Variants in SCN11A observed in about 807,000 individuals in gnomAD.
SCN11A encodes sodium voltage-gated channel alpha subunit 11.
A neutral mutation model predicts 162.2 loss-of-function variants in SCN11A; 122 were observed. That is an observed-to-expected ratio of 0.75 (90% CI 0.65 to 0.87). The LOEUF (loss-of-function observed/expected upper bound fraction) is 0.87. SCN11A is among the 40% of genes least tolerant of loss of function. The pLI is 0.00. For synonymous variants in SCN11A, 758 were observed against 751.5 expected (o/e 1.01, Z -0.14); for missense variants, 2,015 against 2,181.6 (o/e 0.92, Z 1.52).
chr3:39,041,624 G>A (rs2032050895), intron 1 of SCN11A, among the ~76,000 whole-genome samples: 1 of 152,064 alleles, frequency 6.6e-6, no homozygotes, highest in South Asian at 2.1e-4. Flanking sequence ...TCAGAAATGA[G>A]GAAGAAATAA....
intron 17 of SCN11A, 69 bp from the exon 18 acceptor site, chr3:38,897,294 A>G: frequency 2.7e-6 from 4 of 1,477,946 alleles, no homozygotes; most frequent in East Asian, 4.6e-5. Flanking sequence ...CTGCTCATCT[A>G]TAAAGCAAAT....
chr3:38,905,434 T>C (rs980400948), intron 14 of SCN11A, 113 bp from the exon 15 acceptor site: 17 of 1,233,458 alleles, frequency 1.4e-5, no homozygotes, highest in African/African-American at 1.1e-4. Context: ...ACATTTTCTA[T>C]AGGTCTACTC....
intron 11 of SCN11A, among the ~76,000 whole-genome samples, chr3:38,916,039 A>G (rs1392813674): frequency 6.6e-6 from 1 of 151,928 alleles, no homozygotes; most frequent in East Asian, 1.9e-4. Flanking sequence ...TGAATTGAAC[A>G]TTTTACCATT....
chr3:38,966,176 G>A (rs753267546), intron 2 of SCN11A, among the ~76,000 whole-genome samples: 2 of 152,096 alleles, frequency 1.3e-5, no homozygotes, highest in African/African-American at 2.4e-5. Flanking sequence ...CCAAAAATTC[G>A]AGGCAAGTTT....
At chr3:38,907,357 T>TACACACACACAC (rs376599495) in intron 14 of SCN11A, among the ~76,000 whole-genome samples, 2 of 128,578 alleles carry the variant, frequency 1.6e-5, no homozygotes, top group East Asian at 4.9e-4. Flanking sequence ...TATCTATATA[T>TACACACACACAC]ACACACACAC....
At chr3:38,968,677 T>C (rs1357717202) in intron 2 of SCN11A, among the ~76,000 whole-genome samples, 3 of 151,850 alleles carry the variant, frequency 2.0e-5, no homozygotes, top group Non-Finnish European at 4.4e-5. Context: ...AGCACACACA[T>C]ACACACCCAC....
chr3:38,911,914 T>G (rs980524293), intron 11 of SCN11A, among the ~76,000 whole-genome samples: 3 of 152,212 alleles, frequency 2.0e-5, no homozygotes, highest in Non-Finnish European at 2.9e-5. Flanking sequence ...CCACATTTTC[T>G]GTGGCTTTAT....
intron 4 of SCN11A, among the ~76,000 whole-genome samples, 191 bp downstream of exon 4, chr3:38,953,438 A>C (rs113214951): frequency 0.013 from 1,927 of 152,250 alleles, 39 homozygotes; most frequent in African/African-American, 0.043. Context: ...AGTCCCTCTA[A>C]CTGTTGGGGA....
intron 18 of SCN11A, among the ~76,000 whole-genome samples, chr3:38,896,338 C>A (rs1230012358): frequency 6.6e-6 from 1 of 152,174 alleles, no homozygotes; most frequent in Non-Finnish European, 1.5e-5. Flanking sequence ...GAGAGGATTG[C>A]ACAGCAGTCC....
chr3:38,899,795 T>C (rs2065666350), intron 17 of SCN11A, 99 bp downstream of exon 17: 1 of 930,120 alleles, frequency 1.1e-6, no homozygotes, highest in Non-Finnish European at 1.6e-6. Context: ...TAAGGTAAGA[T>C]AAATTAAAGT....
chr3:39,025,945 A>G (rs2031576387), intron 2 of SCN11A: 1 of 151,672 alleles, frequency 6.6e-6, no homozygotes, highest in Non-Finnish European at 1.5e-5. Flanking sequence ...AAGTATTTTT[A>G]TAACTAAAGC....
rs574109734 is a variant in SCN11A at position 38,965,599 on chromosome 3, C to G, written c.-279-5176G>C. ...CCCTGCCCTGACCAGACCTTGTGGC[C>G]ACTCTGAGTCTTGCTAAAGTCGCAG... On this transcript the variant is annotated intron_variant, in intron 2 of 29. Coordinates refer to ENST00000302328, the MANE Select transcript of SCN11A (RefSeq NM_001349253.2). Among the ~76,000 whole-genome samples, 17 of 152,314 alleles carry G rather than the reference C, an allele frequency of 1.1e-4. No homozygotes were observed. In the South Asian group the frequency reaches 3.3e-3, roughly 30 times the overall value.
At chr3:38,880,157 G>C in intron 22 of SCN11A, 34 bp from the exon 23 acceptor site, 1 of 1,518,170 alleles carries the variant, frequency 6.6e-7, no homozygotes, top group Non-Finnish European at 8.9e-7. Flanking sequence ...AGGCCAGGTT[G>C]AATATTTGCA....
chr3:38,970,174 A>T (rs1403264686), intron 2 of SCN11A, among the ~76,000 whole-genome samples: 3 of 151,622 alleles, frequency 2.0e-5, no homozygotes, highest in African/African-American at 7.3e-5. Context: ...AAGAGGGGGG[A>T]TCTCTCTTGG....
intron 7 of SCN11A, among the ~76,000 whole-genome samples, chr3:38,945,109 T>C (rs1012460278): frequency 4.6e-5 from 7 of 152,250 alleles, no homozygotes; most frequent in African/African-American, 1.7e-4. Context: ...TGTTACAATC[T>C]ACTAAAATGC....
intron 2 of SCN11A, among the ~76,000 whole-genome samples, chr3:39,029,161 G>T (rs956169693): frequency 2.6e-5 from 4 of 152,074 alleles, no homozygotes; most frequent in Admixed American, 2.6e-4. Context: ...AAAGAGCTAA[G>T]TCACTCTCTG....
At chr3:38,938,536 ATATATATATATATATTTTTTTTT>A (rs2066382340) in intron 7 of SCN11A, among the ~76,000 whole-genome samples, 1 of 23,548 alleles carries the variant, frequency 4.2e-5, no homozygotes. Context: ...ATATATATAT[ATATATATATATATATTTTTTTTT>A]TTTTTTTTTT....
chr3:39,047,190 CT>C (rs2032206971), intron 1 of SCN11A, among the ~76,000 whole-genome samples: 1 of 151,074 alleles, frequency 6.6e-6, no homozygotes, highest in Non-Finnish European at 1.5e-5. Context: ...ATATATCAGC[CT>C]TCCAAGTAGC....
chr3:38,900,210 C>A (rs2065677196), intron 16 of SCN11A, 137 bp from the exon 17 acceptor site: 6 of 673,206 alleles, frequency 8.9e-6, no homozygotes, highest in Non-Finnish European at 1.5e-5. Flanking sequence ...AAAGTCCATG[C>A]AATAGAAATA....
Sources: allele counts gnomAD v4.1 joint callset (sites outside exome capture counted in the v4.1 genomes callset), GRCh38; gene constraint gnomAD v4.1.1; transcripts MANE v1.5; gene names NCBI Gene and HGNC (gene_info 2026-07-23, HGNC 2026-07-21).